DMD: variants seen among roughly 807,000 people sequenced by gnomAD.
The protein encoded by DMD is dystrophin.
In DMD, 63 loss-of-function variants were observed where a neutral mutation model predicts 330.1. That is an observed-to-expected ratio of 0.19 (90% CI 0.16 to 0.24). The LOEUF (loss-of-function observed/expected upper bound fraction) is 0.24, where lower values mean the gene tolerates loss of function less well. Among genes scored for constraint, DMD ranks in the 10% least tolerant of loss-of-function variants. The pLI is 1.00. For missense variants in DMD, 3,344 were observed against 2,684.1 expected, an observed-to-expected ratio of 1.25 and a Z score of -5.43; for synonymous variants, 1,223 against 959.8, an observed-to-expected ratio of 1.27 and a Z score of -5.07.
At chrX:32,353,389 G>C (rs1379514589) in intron 37 of DMD, among the ~76,000 whole-genome samples, 3 of 111,603 alleles carry the variant, frequency 2.7e-5, no homozygotes, top group Non-Finnish European at 5.7e-5. Flanking sequence ...GCTCATTCTT[G>C]AGTCACCAAA....
intron 34 of DMD, among the ~76,000 whole-genome samples, chrX:32,369,636 C>T (rs997855642): frequency 9.0e-6 from 1 of 111,246 alleles, no homozygotes; most frequent in Non-Finnish European, 1.9e-5. Flanking sequence ...CCTCTATTCT[C>T]TCCTCCACCC....
chrX:32,689,023 AT>A (rs1293255666), intron 9 of DMD, among the ~76,000 whole-genome samples: 1 of 111,000 alleles, frequency 9.0e-6, no homozygotes. Context: ...TCTTTGTAAG[AT>A]TTTTTTGAAG....
intron 55 of DMD, among the ~76,000 whole-genome samples, chrX:31,604,319 TA>T (rs1459177371): frequency 8.9e-6 from 1 of 111,790 alleles, no homozygotes; most frequent in African/African-American, 3.3e-5. Context: ...TCCATGGGCT[TA>T]TTTTTTTTTT....
intron 40 of DMD, 52 bp from the exon 41 acceptor site, chrX:32,342,334 C>A: frequency 8.6e-7 from 1 of 1,159,969 alleles, no homozygotes; most frequent in Non-Finnish European, 1.2e-6. Context: ...ACCACATCAA[C>A]CGACTTGCAA....
At chrX:32,442,900 G>A (rs906689991) in intron 27 of DMD, among the ~76,000 whole-genome samples, 1 of 110,634 alleles carries the variant, frequency 9.0e-6, no homozygotes, top group African/African-American at 3.3e-5. Context: ...CTATATTATA[G>A]TTTACCATTA....
At chrX:32,989,005 T>C (rs1245990782) in intron 2 of DMD, among the ~76,000 whole-genome samples, 3 of 111,363 alleles carry the variant, frequency 2.7e-5, no homozygotes, top group Non-Finnish European at 5.7e-5. Flanking sequence ...AATTCTGCTA[T>C]AATTCAAAAA....
In DMD at chrX:31,204,068, G is replaced by C. The variant is rs912991287; in HGVS notation, c.9700C>G (p.Leu3234Val). The stretch of plus-strand genomic sequence containing the variant: ...ATAGAATCATGCAGAAGGAGGCCCA[G>C]CCTGCGCTGGTCACAAAATCCTGTT... ...SSTGFCDQRR[L>V]GLLLHDSIQI... Residue 3234 changes from leucine (L) to valine (V), a missense_variant, in exon 67 of 79, where the codon CTG becomes GTG. By Grantham distance (32) the Leu-to-Val change is conservative (BLOSUM62 1). Transcript: ENST00000357033. 8.3e-7 allele frequency: 1 copy of C among 1,209,585 alleles called. No individual in the cohort carries two copies. The highest frequency in any genetic ancestry group is 1.7e-5 in the African/African-American group (1 of 57,220).
intron 55 of DMD, chrX:31,508,108 G>A: frequency 1.5e-6 from 1 of 648,812 alleles, no homozygotes; most frequent in Admixed American, 2.9e-5. Flanking sequence ...CAGGTGGAAA[G>A]TACATAGGAC....
intron 2 of DMD, among the ~76,000 whole-genome samples, chrX:32,994,929 A>G (rs1460955826): frequency 9.8e-5 from 11 of 111,941 alleles, no homozygotes; most frequent in Non-Finnish European, 2.1e-4. Context: ...CCTGGGCAAC[A>G]TAGGGGACCC....
intron 43 of DMD, among the ~76,000 whole-genome samples, chrX:32,235,140 A>T (rs1164033559): frequency 9.0e-6 from 1 of 111,487 alleles, no homozygotes; most frequent in Non-Finnish European, 1.9e-5. Flanking sequence ...ATAATTATAC[A>T]ACTCACCATA....
chrX:32,101,123 G>C (rs151154966), intron 44 of DMD, among the ~76,000 whole-genome samples: 1,833 of 111,651 alleles, frequency 0.016, 39 homozygotes, highest in African/African-American at 0.057. Context: ...AGATATTAGT[G>C]ATATTATGTA....
chrX:31,222,392 C>CAAAAAAAAAAAAAAAAAAAAAAAAAA (rs57227723), intron 64 of DMD, among the ~76,000 whole-genome samples: 1 of 20,624 alleles, frequency 4.8e-5, no homozygotes, highest in Non-Finnish European at 8.7e-5. Context: ...GACTCCATCT[C>CAAAAAAAAAAAAAAAAAAAAAAAAAA]AAAAAAAAAA....
At chrX:32,575,200 A>G (rs2052896417) in intron 13 of DMD, among the ~76,000 whole-genome samples, 1 of 111,530 alleles carries the variant, frequency 9.0e-6, no homozygotes, top group South Asian at 3.7e-4. Context: ...ACCTGGCCCT[A>G]ATCCACCTAT....
chrX:31,275,326 G>C (rs1428125032), intron 62 of DMD, among the ~76,000 whole-genome samples: 2 of 111,312 alleles, frequency 1.8e-5, no homozygotes, highest in East Asian at 5.6e-4. Flanking sequence ...TACGACATCA[G>C]TTTAGGCTTT....
chrX:32,777,282 G>GTGGGGGGGC (rs2074269950), intron 7 of DMD, among the ~76,000 whole-genome samples: 1 of 54,132 alleles, frequency 1.8e-5, no homozygotes, highest in Non-Finnish European at 3.7e-5. Context: ...CTGGTTGGGG[G>GTGGGGGGGC]GGGAATCCTA....
chrX:32,409,219 A>C (rs754130148), intron 30 of DMD, among the ~76,000 whole-genome samples: 1 of 111,610 alleles, frequency 9.0e-6, no homozygotes, highest in Non-Finnish European at 1.9e-5. Flanking sequence ...GTATTCTCCA[A>C]TATTATGTAT....
intron 1 of DMD, among the ~76,000 whole-genome samples, chrX:33,233,929 C>G (rs1225038773): frequency 8.9e-6 from 1 of 112,245 alleles, no homozygotes; most frequent in Non-Finnish European, 1.9e-5. Context: ...CAGGATATTT[C>G]ACATAGGATC....
chrX:31,478,219 C>T lies in DMD; in HGVS notation c.8824G>A (p.Ala2942Thr). The change falls in exon 59 of 79, where the codon GCC becomes ACC. Residue 2942 changes from alanine (A) to threonine (T), a missense_variant. Transcript: ENST00000357033. ...TLERLRELQE[A>T]TDELDLKLRQ... ...AGCTTGAGGTCCAGCTCATCCGTGG[C>T]CTCTTGAAGTTCCCGGAGTCTTTCA... 8.3e-7 allele frequency: 1 copy of T among 1,211,238 alleles called. No homozygotes were observed.
At chrX:32,223,692 T>C (rs2097138745) in intron 43 of DMD, among the ~76,000 whole-genome samples, 1 of 111,924 alleles carries the variant, frequency 8.9e-6, no homozygotes, top group African/African-American at 3.2e-5. Context: ...CAAGTAACAT[T>C]GTGTGAAATT....
Sources: gnomAD v4.1 joint callset for allele counts (sites outside exome capture counted in the v4.1 genomes callset) on GRCh38, gnomAD v4.1.1 for gene constraint, MANE v1.5 for transcripts, NCBI Gene and HGNC (gene_info 2026-07-23, HGNC 2026-07-21) for gene names.